Variants in MALT1 observed in about 807,000 individuals in gnomAD.
The protein encoded by MALT1 is MALT1 paracaspase.
MALT1 carries 36 observed loss-of-function variants against 85.5 expected under a neutral mutation model. That is an observed-to-expected ratio of 0.42 (90% confidence interval 0.32 to 0.56). The LOEUF is 0.56. MALT1 is among the 20% of genes least tolerant of loss of function. The pLI, the probability that MALT1 is intolerant of heterozygous loss-of-function variation, is 0.10. For missense variants in MALT1, 716 were observed against 981.6 expected, an observed-to-expected ratio of 0.73 and a Z score of 3.62; for synonymous variants, 359 against 361.3, an observed-to-expected ratio of 0.99 and a Z score of 0.07.
intron 13 of MALT1, among the ~76,000 whole-genome samples, chr18:58,739,695 T>C (rs2055275004): frequency 6.6e-6 from 1 of 152,124 alleles, no homozygotes; most frequent in South Asian, 2.1e-4. Flanking sequence ...ACTACAACTC[T>C]CCTCTGCATC....
chr18:58,688,596 C>T (rs2054446355), intron 2 of MALT1, among the ~76,000 whole-genome samples: 1 of 151,008 alleles, frequency 6.6e-6, no homozygotes, highest in Non-Finnish European at 1.5e-5. Flanking sequence ...GTCTTGTGTC[C>T]CATACAAAGG....
chr18:58,688,326 A>ACACG (rs1555683324), intron 2 of MALT1, among the ~76,000 whole-genome samples: 1 of 134,710 alleles, frequency 7.4e-6, no homozygotes, highest in Non-Finnish European at 1.6e-5. Context: ...ACACACACAC[A>ACACG]CGCTTATTAA....
chr18:58,686,077 G>T (rs2054397730), intron 2 of MALT1, among the ~76,000 whole-genome samples: 1 of 152,134 alleles, frequency 6.6e-6, no homozygotes, highest in African/African-American at 2.4e-5. Flanking sequence ...ACCCAGGCTG[G>T]AGTGCAGTGG....
intron 2 of MALT1, among the ~76,000 whole-genome samples, chr18:58,683,642 G>A (rs2054355206): frequency 6.6e-6 from 1 of 152,190 alleles, no homozygotes; most frequent in African/African-American, 2.4e-5. Context: ...TGACAGGCCA[G>A]CAACTAATAA....
chr18:58,687,279 C>T (rs1321338173), intron 2 of MALT1, among the ~76,000 whole-genome samples: 1 of 152,120 alleles, frequency 6.6e-6, no homozygotes, highest in Non-Finnish European at 1.5e-5. Flanking sequence ...GGCTGGTGAG[C>T]AAGGCCTGAA....
At position 58,754,477 on chromosome 18, in the gene MALT1, A is replaced by G. The variant is rs924942830; in HGVS notation, c.*6635A>G. On this transcript the variant is annotated 3_prime_UTR_variant, in exon 17 of 17. Transcript: ENST00000649217. ...TATTTTCCTAAGCTTTAGCTTTACCACTTCCAAGTCTGTACAGACTGGTTA... is the reference window on the plus strand; with the variant it reads ...TATTTTCCTAAGCTTTAGCTTTACCGCTTCCAAGTCTGTACAGACTGGTTA... 1.3e-5 allele frequency: 2 copies of G among 152,164 alleles called. No individual in the cohort carries two copies. The highest frequency in any genetic ancestry group is 6.5e-5 in the Admixed American group (1 of 15,278). The allele number at this position is 152,164 out of a possible 1,614,324, so 9.4% of individuals were successfully genotyped here.
At chr18:58,700,821 T>G (rs1015370110) in intron 4 of MALT1, among the ~76,000 whole-genome samples, 8 of 152,124 alleles carry the variant, frequency 5.3e-5, no homozygotes, top group Non-Finnish European at 1.2e-4. Flanking sequence ...CAAAGTCTTT[T>G]TGTTGCCCAG....
intron 9 of MALT1, among the ~76,000 whole-genome samples, chr18:58,720,839 C>T (rs947522233): frequency 7.2e-5 from 11 of 152,054 alleles, no homozygotes; most frequent in African/African-American, 1.9e-4. Context: ...ATTTTACTAC[C>T]CCAGTAACTT....
At chr18:58,679,969 A>G (rs2054296907) in intron 1 of MALT1, among the ~76,000 whole-genome samples, 1 of 152,118 alleles carries the variant, frequency 6.6e-6, no homozygotes, top group Non-Finnish European at 1.5e-5. Flanking sequence ...TTATTGCTTG[A>G]GCCCAGGAGT....
rs550528115 is a variant in MALT1 at position 58,747,234 on chromosome 18, G to T, written c.2038-171G>T. ...ATGAAGGAAAAGGAAGATAATGATA[G>T]CTGGCGTTTCTCAGTTTCAGGGAGA... On this transcript the variant is annotated intron_variant, in intron 16 of 16. Transcript: ENST00000649217. Among the ~76,000 whole-genome samples, 13 of 152,266 alleles carry T rather than the reference G, an allele frequency of 8.5e-5. No homozygotes were observed. In the South Asian group the frequency reaches 2.3e-3, roughly 27 times the overall value.
chr18:58,700,678 G>GT, intron 4 of MALT1, 87 bp downstream of exon 4: 1 of 1,228,710 alleles, frequency 8.1e-7, no homozygotes, highest in Non-Finnish European at 1.1e-6. Flanking sequence ...CAATTTCAAA[G>GT]TATCAAAAAA....
At chr18:58,689,032 G>C (rs748576047) in intron 2 of MALT1, among the ~76,000 whole-genome samples, 4 of 152,056 alleles carry the variant, frequency 2.6e-5, no homozygotes, top group Admixed American at 6.6e-5. Context: ...CACACCCGTA[G>C]ACCCAGCTAT....
At chr18:58,733,272 C>A (rs968378317) in intron 10 of MALT1, 125 bp from the exon 11 acceptor site, 2 of 632,884 alleles carry the variant, frequency 3.2e-6, no homozygotes, top group Admixed American at 3.0e-5. Flanking sequence ...GTATTTCTTA[C>A]ATATGCTCAC....
At chr18:58,744,733 T>C (rs1392578179) in intron 15 of MALT1, among the ~76,000 whole-genome samples, 1 of 152,122 alleles carries the variant, frequency 6.6e-6, no homozygotes, top group East Asian at 1.9e-4. Flanking sequence ...ATTTCTTATA[T>C]CCTAAACACG....
Position 58,747,557 on chromosome 18 carries a change from T to G in MALT1, c.2190T>G (p.Cys730Trp). ...GAAGGAAGACTTGCTTTCAAACTTG[T>G]CTTATGTCTAATGGTCCTTACCAGA... ...GLGRKTCFQT[C>W]LMSNGPYQSS... The change falls in exon 17 of 17, where the codon TGT (cysteine) becomes TGG (tryptophan). Residue 730 changes from cysteine (C) to tryptophan (W), a missense_variant. By Grantham distance (215) the Cys-to-Trp change is radical (BLOSUM62 -2). This residue lies in a region of MALT1 where 260 missense variants were observed against 323.7 expected (regional missense o/e 0.80). Coordinates refer to ENST00000649217, the MANE Select transcript of MALT1 (RefSeq NM_006785.4). 1.2e-6 allele frequency: 2 copies of G among 1,614,172 alleles called. No individual in the cohort carries two copies. Among genetic ancestry groups the G allele is most frequent in the Non-Finnish European group, 1.7e-6 (2 of 1,180,018 alleles).
chr18:58,712,043 A>C (rs1491003165), intron 7 of MALT1, among the ~76,000 whole-genome samples: 1 of 152,192 alleles, frequency 6.6e-6, no homozygotes, highest in Non-Finnish European at 1.5e-5. Flanking sequence ...TTTGGCTCCA[A>C]GGTGATGCAT....
At chr18:58,722,931 T>C in intron 9 of MALT1, 117 bp from the exon 10 acceptor site, 3 of 664,744 alleles carry the variant, frequency 4.5e-6, no homozygotes, top group Admixed American at 5.9e-5. Flanking sequence ...AATGAAATCT[T>C]ATTTGAAATG....
At chr18:58,738,244 T>G (rs2055252606) in intron 13 of MALT1, among the ~76,000 whole-genome samples, 1 of 152,248 alleles carries the variant, frequency 6.6e-6, no homozygotes, top group African/African-American at 2.4e-5. Context: ...GGTATTATGC[T>G]CTATGTAGTC....
intron 11 of MALT1, 85 bp from the exon 12 acceptor site, chr18:58,734,222 G>T: frequency 8.8e-7 from 1 of 1,142,634 alleles, no homozygotes. Context: ...AAAAACTGTT[G>T]TATTTTCTCA....
Sources: gnomAD v4.1 joint callset for allele counts (sites outside exome capture counted in the v4.1 genomes callset) on GRCh38, gnomAD v4.1.1 for gene constraint, gnomAD v4.1.1 regional missense constraint, MANE v1.5 for transcripts, NCBI Gene and HGNC (gene_info 2026-07-23, HGNC 2026-07-21) for gene names.